IL1RAPL2: variants seen among roughly 807,000 people sequenced by gnomAD.
IL1RAPL2 encodes interleukin 1 receptor accessory protein like 2.
A neutral mutation model predicts 44.1 loss-of-function variants in IL1RAPL2; 3 were observed. The ratio of observed to expected loss-of-function variants is 0.07; its 90% CI spans 0.03 to 0.18. IL1RAPL2 has a LOEUF of 0.18. Ranked by LOEUF, IL1RAPL2 falls within the 10% of genes least tolerant of loss-of-function variation. The probability of loss-of-function intolerance (pLI) is 1.00; values close to 1 mark genes in which losing one functional copy is unlikely to be tolerated. For synonymous variants in IL1RAPL2, 181 were observed against 178.8 expected (o/e 1.01, Z -0.10); for missense variants, 391 against 496.4 (o/e 0.79, Z 2.02).
chrX:105,219,341 A>G, intron 3 of IL1RAPL2: 1 of 1,211,306 alleles, frequency 8.3e-7, no homozygotes, highest in Non-Finnish European at 1.1e-6. Flanking sequence ...GAGGCTCTGG[A>G]CCAGGGGTTC....
chrX:104,954,044 G>A (rs1341332190), intron 2 of IL1RAPL2, among the ~76,000 whole-genome samples: 8 of 111,839 alleles, frequency 7.2e-5, no homozygotes, highest in African/African-American at 2.6e-4. Context: ...ACAGATTGAA[G>A]GGATATTCTT....
intron 2 of IL1RAPL2, among the ~76,000 whole-genome samples, chrX:104,907,578 A>C (rs770701865): frequency 2.6e-4 from 29 of 111,717 alleles, no homozygotes; most frequent in African/African-American, 9.1e-4. Flanking sequence ...GTCATTCAGG[A>C]GCAGGTTGTT....
At chrX:104,810,642 T>C (rs73635161) in intron 2 of IL1RAPL2, among the ~76,000 whole-genome samples, 382 of 111,590 alleles carry the variant, frequency 3.4e-3, no homozygotes, top group African/African-American at 0.012. Flanking sequence ...AAAAACTTGT[T>C]GTAAGCTAAG....
At chrX:105,444,017 T>C (rs1410922614) in intron 5 of IL1RAPL2, among the ~76,000 whole-genome samples, 1 of 112,408 alleles carries the variant, frequency 8.9e-6, no homozygotes, top group African/African-American at 3.2e-5. Context: ...ATTGCCTGTC[T>C]TTTGGATGAA....
At chrX:104,637,802 CTGTGTGTGTGTGTGTG>C (rs1214767208) in intron 1 of IL1RAPL2, among the ~76,000 whole-genome samples, 1 of 88,576 alleles carries the variant, frequency 1.1e-5, no homozygotes, top group African/African-American at 4.2e-5. Context: ...GTGTGTGTGT[CTGTGTGTGTGTGTGTG>C]TGTGTCTGTG....
At chrX:105,168,414 G>A (rs1270314136) in intron 2 of IL1RAPL2, among the ~76,000 whole-genome samples, 1 of 89,358 alleles carries the variant, frequency 1.1e-5, no homozygotes, top group Non-Finnish European at 2.1e-5. Flanking sequence ...AACCATAGGA[G>A]GTGTGTGTGT....
chrX:105,420,533 G>A (rs1156783058), intron 5 of IL1RAPL2, among the ~76,000 whole-genome samples: 1 of 111,566 alleles, frequency 9.0e-6, no homozygotes, highest in African/African-American at 3.3e-5. Context: ...TCCTTATTTT[G>A]CTTAGCCAAT....
chrX:105,607,364 T>A (rs2037301341), intron 6 of IL1RAPL2, among the ~76,000 whole-genome samples: 1 of 109,573 alleles, frequency 9.1e-6, no homozygotes, highest in African/African-American at 3.3e-5. Context: ...TTGCTTTTTT[T>A]CATTTATTTC....
At chrX:105,608,624 A>T (rs917612110) in intron 6 of IL1RAPL2, among the ~76,000 whole-genome samples, 1 of 112,212 alleles carries the variant, frequency 8.9e-6, no homozygotes, top group African/African-American at 3.2e-5. Flanking sequence ...AATCTGGGAT[A>T]GATAAAACCA....
intron 2 of IL1RAPL2, among the ~76,000 whole-genome samples, chrX:105,169,675 C>T (rs1309914361): frequency 2.8e-5 from 3 of 106,487 alleles, no homozygotes; most frequent in African/African-American, 1.0e-4. Context: ...ATTACAGGTG[C>T]ATGCCACCAC....
chrX:105,136,214 G>A (rs1365866281), intron 2 of IL1RAPL2, among the ~76,000 whole-genome samples: 1 of 111,924 alleles, frequency 8.9e-6, no homozygotes, highest in Non-Finnish European at 1.9e-5. Flanking sequence ...AATTTCATTA[G>A]GATAGTGTTT....
chrX:105,014,395 T>G (rs2031128146), intron 2 of IL1RAPL2, among the ~76,000 whole-genome samples: 1 of 110,977 alleles, frequency 9.0e-6, no homozygotes, highest in Non-Finnish European at 1.9e-5. Context: ...ACATGTGCCA[T>G]GGTGGTATGC....
At position 104,996,677 on chromosome X, in the gene IL1RAPL2, A is replaced by T. The variant is rs554785028; in HGVS notation, c.83-198798A>T. ...TTTAACAAATGGTTATTAAGTGCTT[A>T]CTATGTGCCAGACACTGTGGTAGGC... is the stretch of plus-strand genomic sequence containing the variant. On this transcript the variant is annotated intron_variant, in intron 2 of 10. Transcript: ENST00000372582. Among the ~76,000 whole-genome samples, 11 of 112,224 alleles carry T rather than the reference A, an allele frequency of 9.8e-5. 1 individual carries two copies. The South Asian group carries it at 4.1e-3, about 41-fold the overall frequency.
chrX:105,446,102 T>C (rs1393037262), intron 5 of IL1RAPL2, among the ~76,000 whole-genome samples: 2 of 111,759 alleles, frequency 1.8e-5, no homozygotes, highest in Non-Finnish European at 3.8e-5. Flanking sequence ...TTAAAATTGT[T>C]ATATCCTTTT....
At chrX:105,358,367 T>C (rs2035220933) in intron 5 of IL1RAPL2, among the ~76,000 whole-genome samples, 1 of 110,136 alleles carries the variant, frequency 9.1e-6, no homozygotes, top group African/African-American at 3.3e-5. Context: ...AGTCTTTTTT[T>C]TTTTTTTTTC....
chrX:104,952,633 A>G (rs1369451069), intron 2 of IL1RAPL2, among the ~76,000 whole-genome samples: 1 of 111,767 alleles, frequency 8.9e-6, no homozygotes, highest in African/African-American at 3.2e-5. Context: ...GATATTACCT[A>G]TATACTAGAT....
chrX:104,990,081 G>A (rs1187750856), intron 2 of IL1RAPL2, among the ~76,000 whole-genome samples: 1 of 111,555 alleles, frequency 9.0e-6, no homozygotes, highest in Non-Finnish European at 1.9e-5. Flanking sequence ...CAGTTGTTCT[G>A]TACTAGATGT....
intron 2 of IL1RAPL2, among the ~76,000 whole-genome samples, chrX:104,952,247 A>G (rs1423438467): frequency 5.4e-5 from 6 of 111,837 alleles, no homozygotes; most frequent in African/African-American, 1.9e-4. Flanking sequence ...TAAAAAGTAA[A>G]CTTTGCTTTA....
intron 2 of IL1RAPL2, among the ~76,000 whole-genome samples, chrX:104,694,328 C>G (rs1286742343): frequency 1.8e-5 from 2 of 112,009 alleles, no homozygotes; most frequent in Admixed American, 9.5e-5. Context: ...ATCCCCCACC[C>G]TAGCTGGTAG....
Sources: gnomAD v4.1 joint callset for allele counts (sites outside exome capture counted in the v4.1 genomes callset) on GRCh38, gnomAD v4.1.1 for gene constraint, MANE v1.5 for transcripts, NCBI Gene and HGNC (gene_info 2026-07-23, HGNC 2026-07-21) for gene names.